Variants in POLR3G observed in about 807,000 individuals in gnomAD.
The protein encoded by POLR3G is RNA polymerase III subunit G.
In POLR3G, 28 loss-of-function variants were observed where a neutral mutation model predicts 30.1. That is an observed-to-expected ratio of 0.93 (90% confidence interval 0.69 to 1.27). POLR3G has a LOEUF of 1.27. POLR3G is among the 50% of genes most tolerant of loss of function. The pLI is 0.00. For synonymous variants in POLR3G, 79 were observed against 82.5 expected (o/e 0.96, Z 0.23); for missense variants, 254 against 264.6 (o/e 0.96, Z 0.28).
chr5:90,487,876 G>A (rs1751526475), intron 2 of POLR3G, 124 bp from the exon 3 acceptor site: 2 of 707,452 alleles, frequency 2.8e-6, no homozygotes, highest in Non-Finnish European at 4.2e-6. Context: ...TAAGTTGGTT[G>A]TAAAACTTAG....
At chr5:90,501,838 A>G in intron 5 of POLR3G, 68 bp from the exon 6 acceptor site, 1 of 1,575,692 alleles carries the variant, frequency 6.3e-7, no homozygotes, top group Non-Finnish European at 8.6e-7. Flanking sequence ...CAGCATACGC[A>G]AAGACAAGGA....
chr5:90,510,950 T>C (rs1752712689), intron 7 of POLR3G, among the ~76,000 whole-genome samples: 1 of 152,094 alleles, frequency 6.6e-6, no homozygotes, highest in South Asian at 2.1e-4. Flanking sequence ...TTTCTTACTA[T>C]AGATAGTAGA....
intron 1 of POLR3G, among the ~76,000 whole-genome samples, chr5:90,483,728 G>A (rs1469793725): frequency 2.0e-5 from 3 of 152,030 alleles, no homozygotes; most frequent in Admixed American, 1.3e-4. Flanking sequence ...AAGTGAGGGA[G>A]GGAGGTTGCA....
At chr5:90,489,054 C>T (rs942781415) in intron 3 of POLR3G, among the ~76,000 whole-genome samples, 1 of 152,038 alleles carries the variant, frequency 6.6e-6, no homozygotes, top group Non-Finnish European at 1.5e-5. Flanking sequence ...TCATTCCATT[C>T]GTATTAAAAA....
chr5:90,510,797 A>G (rs1752701633), intron 7 of POLR3G, among the ~76,000 whole-genome samples: 1 of 152,100 alleles, frequency 6.6e-6, no homozygotes, highest in Non-Finnish European at 1.5e-5. Flanking sequence ...TAAAGAATGC[A>G]TATACAGTGA....
intron 6 of POLR3G, among the ~76,000 whole-genome samples, chr5:90,502,609 C>T (rs1268154539): frequency 6.6e-6 from 1 of 152,064 alleles, no homozygotes; most frequent in East Asian, 1.9e-4. Context: ...TCATCCAGTT[C>T]CCTTCCTATA....
At chr5:90,511,090 C>T (rs890799092) in intron 7 of POLR3G, among the ~76,000 whole-genome samples, 3 of 152,032 alleles carry the variant, frequency 2.0e-5, no homozygotes, top group Admixed American at 1.3e-4. Flanking sequence ...ATCTTTCAAC[C>T]ACTCATTCAT....
intron 1 of POLR3G, among the ~76,000 whole-genome samples, chr5:90,485,169 A>T (rs1172973328): frequency 6.6e-6 from 1 of 152,202 alleles, no homozygotes; most frequent in East Asian, 1.9e-4. Flanking sequence ...GATAGTTTTT[A>T]TGTTGACATG....
chr5:90,476,874 T>G (rs956866437), intron 1 of POLR3G, among the ~76,000 whole-genome samples: 9 of 152,204 alleles, frequency 5.9e-5, no homozygotes, highest in African/African-American at 2.2e-4. Flanking sequence ...CATCCATGTT[T>G]CCTGTCTTTA....
At chr5:90,496,733 C>T (rs897277246) in intron 4 of POLR3G, among the ~76,000 whole-genome samples, 3 of 152,184 alleles carry the variant, frequency 2.0e-5, no homozygotes, top group Non-Finnish European at 4.4e-5. Flanking sequence ...TATGGAAACT[C>T]CCCTTATGTA....
At chr5:90,507,763 A>G (rs1752559096) in intron 7 of POLR3G, among the ~76,000 whole-genome samples, 1 of 152,214 alleles carries the variant, frequency 6.6e-6, no homozygotes, top group African/African-American at 2.4e-5. Context: ...TTTAAAAATT[A>G]AATATGTCAC....
chr5:90,486,579 GC>G (rs1751450822), intron 2 of POLR3G, among the ~76,000 whole-genome samples: 1 of 152,126 alleles, frequency 6.6e-6, no homozygotes, highest in Non-Finnish European at 1.5e-5. Flanking sequence ...CTTTGGCCCT[GC>G]TGGTTCTCTG....
upstream of POLR3G, chr5:90,474,035 G>A: frequency 1.3e-6 from 2 of 1,592,176 alleles, no homozygotes. Context: ...CGGAGTGGTC[G>A]AAGTGCACGT....
intron 5 of POLR3G, among the ~76,000 whole-genome samples, chr5:90,499,021 TTG>T (rs1308241745): frequency 6.6e-6 from 1 of 152,130 alleles, no homozygotes; most frequent in East Asian, 1.9e-4. Flanking sequence ...AATACCAGGT[TTG>T]TGAGAGAAAA....
chr5:90,486,335 A>G (rs1416149083), intron 2 of POLR3G, among the ~76,000 whole-genome samples: 1 of 152,244 alleles, frequency 6.6e-6, no homozygotes, highest in African/African-American at 2.4e-5. Flanking sequence ...AGGTATTGGC[A>G]TAATGTCACT....
At position 90,506,177 on chromosome 5, in the gene POLR3G, C is replaced by T. The variant is rs144409874; in HGVS notation, c.439-351C>T. 8.4e-4 allele frequency among the ~76,000 whole-genome samples: 128 copies of T among 152,106 alleles called. 2 individuals are homozygous for T. The East Asian group carries it at 0.02, about 24-fold the overall frequency. On this transcript the variant is annotated intron_variant, in intron 6 of 7. Coordinates refer to ENST00000651687, the MANE Select transcript of POLR3G (RefSeq NM_006467.3). ...CCAGGAGAAGGAGGTTGCTGTGAGC[C>T]GAGATCGTGGCACTGCACTCCAGCC...
intron 7 of POLR3G, 134 bp downstream of exon 7, chr5:90,506,808 A>C: frequency 7.5e-7 from 1 of 1,325,346 alleles, no homozygotes; most frequent in Non-Finnish European, 9.8e-7. Flanking sequence ...TATCAATGGC[A>C]TCGATTCCTT....
intron 1 of POLR3G, among the ~76,000 whole-genome samples, chr5:90,477,155 C>CCTA (rs1750869414): frequency 6.6e-6 from 1 of 152,106 alleles, no homozygotes; most frequent in African/African-American, 2.4e-5. Flanking sequence ...AAGGGAGAGG[C>CCTA]CTACCTCCAT....
Position 90,506,610 on chromosome 5 carries a change from G to T in POLR3G, c.521G>T (p.Gly174Val). The T allele has an allele frequency of 6.2e-7, 1 of 1,613,866 alleles. No homozygotes were observed. The highest frequency in any genetic ancestry group is 2.2e-5 in the East Asian group (1 of 44,860). Reference sequence around the variant, plus strand: ...GGAAGCAAAGAGAAAAGTAAAGAAGGTGATGATGACGATGACGATGATGCC... The same window carrying T: ...GGAAGCAAAGAGAAAAGTAAAGAAGTTGATGATGACGATGACGATGATGCC... ...KEGSKEKSKEGDDDDDDDAAE... is the reference protein window; with the variant it reads ...KEGSKEKSKEVDDDDDDDAAE... The change falls in exon 7 of 8, where the codon GGT becomes GTT. Residue 174 changes from glycine (G) to valine (V), a missense_variant. Coordinates refer to ENST00000651687, the MANE Select transcript of POLR3G (RefSeq NM_006467.3).
Sources: gnomAD v4.1 joint callset for allele counts (sites outside exome capture counted in the v4.1 genomes callset) on GRCh38, gnomAD v4.1.1 for gene constraint, MANE v1.5 for transcripts, NCBI Gene and HGNC (gene_info 2026-07-23, HGNC 2026-07-21) for gene names.